Variants in PTPRD observed in about 807,000 individuals in gnomAD.
The protein encoded by PTPRD is receptor-type tyrosine-protein phosphatase delta.
PTPRD carries 34 observed loss-of-function variants against 214.5 expected under a neutral mutation model. The observed-to-expected ratio is 0.16, with a 90% confidence interval of 0.12 to 0.21. PTPRD has a LOEUF of 0.21. Ranked by LOEUF, PTPRD falls within the 10% of genes least tolerant of loss-of-function variation. The pLI is 1.00. For missense variants in PTPRD, 2,545 were observed against 2,398.7 expected (o/e 1.06, Z -1.27); for synonymous variants, 1,128 against 845.7 (o/e 1.33, Z -5.79).
chr9:9,695,367 G>C (rs1333419559), intron 7 of PTPRD, among the ~76,000 whole-genome samples: 1 of 152,146 alleles, frequency 6.6e-6, no homozygotes, highest in Non-Finnish European at 1.5e-5. Flanking sequence ...CAGAAGGAGA[G>C]AATCACTCTC....
intron 7 of PTPRD, among the ~76,000 whole-genome samples, chr9:9,628,530 A>G (rs1300251216): frequency 6.6e-6 from 1 of 152,324 alleles, no homozygotes; most frequent in African/African-American, 2.4e-5. Context: ...CAGAGTTCCT[A>G]GAACAGCTCA....
At chr9:10,343,860 C>T (rs368630671) in intron 2 of PTPRD, among the ~76,000 whole-genome samples, 7 of 149,534 alleles carry the variant, frequency 4.7e-5, no homozygotes, top group African/African-American at 1.5e-4. Flanking sequence ...TTGAGCTCTT[C>T]GTTTTCTTGT....
At chr9:9,173,522 T>C (rs1186799768) in intron 10 of PTPRD, among the ~76,000 whole-genome samples, 3 of 152,136 alleles carry the variant, frequency 2.0e-5, no homozygotes, top group Admixed American at 1.3e-4. Flanking sequence ...CCAGTGTAGC[T>C]ATATGGTATA....
At chr9:8,376,528 A>T in intron 38 of PTPRD, 79 bp downstream of exon 38, 1 of 1,584,076 alleles carries the variant, frequency 6.3e-7, no homozygotes. Flanking sequence ...GTAAAGCCTT[A>T]AGAGATTTCA....
chr9:10,536,046 T>C (rs2057711539), intron 2 of PTPRD, among the ~76,000 whole-genome samples: 2 of 152,226 alleles, frequency 1.3e-5, no homozygotes, highest in Non-Finnish European at 2.9e-5. Flanking sequence ...GCAAACCTCT[T>C]ACAGCGGAAT....
At chr9:9,910,350 C>G (rs959438627) in intron 5 of PTPRD, among the ~76,000 whole-genome samples, 1 of 151,886 alleles carries the variant, frequency 6.6e-6, no homozygotes, top group African/African-American at 2.4e-5. Context: ...TGTGTGCAAT[C>G]TTTTAAAAAT....
chr9:9,625,382 C>G (rs2095388200), intron 7 of PTPRD, among the ~76,000 whole-genome samples: 1 of 152,126 alleles, frequency 6.6e-6, no homozygotes, highest in South Asian at 2.1e-4. Flanking sequence ...CTGGCGCATG[C>G]TGTTAGAGTG....
intron 7 of PTPRD, among the ~76,000 whole-genome samples, chr9:9,597,576 C>T (rs1000039797): frequency 2.0e-5 from 3 of 151,832 alleles, no homozygotes; most frequent in South Asian, 2.1e-4. Flanking sequence ...ACTGCAAAAA[C>T]GAAAGCAGGA....
chr9:9,817,253 C>T (rs2761747), intron 5 of PTPRD, among the ~76,000 whole-genome samples: 66,605 of 151,910 alleles, frequency 0.44, 16,859 homozygotes, highest in African/African-American at 0.71. Flanking sequence ...CTAACTACAA[C>T]GATTAGGGAC....
intron 5 of PTPRD, among the ~76,000 whole-genome samples, chr9:9,778,362 G>A (rs1159901501): frequency 6.6e-6 from 1 of 152,158 alleles, no homozygotes; most frequent in Non-Finnish European, 1.5e-5. Context: ...TGATCTGGCA[G>A]GGGGATTTCC....
chr9:8,659,233 T>A (rs189287852), intron 12 of PTPRD, among the ~76,000 whole-genome samples: 32 of 152,308 alleles, frequency 2.1e-4, no homozygotes, highest in Admixed American at 1.4e-3. Context: ...TTAAAATGAA[T>A]TTCTTCAAGT....
rs192831736 is a variant in PTPRD at position 10,581,207 on chromosome 9, C to G, written c.-600+31191G>C. 5.9e-5 allele frequency among the ~76,000 whole-genome samples: 9 copies of G among 152,276 alleles called. No individual in the cohort carries two copies. In the East Asian group the frequency reaches 1.5e-3, roughly 26 times the overall value. ...GAAGTACTTATAACGCTACCTGGTG[C>G]ATATTAAGCACTGTAGAAGTATTTG... On this transcript the variant is annotated intron_variant, in intron 2 of 45. Transcript: ENST00000381196.
At chr9:8,498,993 A>G (rs1022516905) in intron 25 of PTPRD, among the ~76,000 whole-genome samples, 1 of 152,092 alleles carries the variant, frequency 6.6e-6, no homozygotes, top group African/African-American at 2.4e-5. Flanking sequence ...AGATCAATAC[A>G]ATTTCTCACA....
chr9:10,277,247 A>AAACATAAAACATAAACAT (rs1555019684), intron 3 of PTPRD, among the ~76,000 whole-genome samples: 4 of 91,562 alleles, frequency 4.4e-5, no homozygotes, highest in African/African-American at 7.4e-5. Context: ...ACATAAACAT[A>AAACATAAAACATAAACAT]AAAAAAAAAC....
rs71500962 is a variant in PTPRD, at chr9:8,726,026, GACACACACAC to G, written c.64+7744_64+7753del. Among the ~76,000 whole-genome samples the G allele has an allele frequency of 1.0e-4, 14 of 139,592 alleles. No homozygotes were observed. In the East Asian group the frequency reaches 1.2e-3, roughly 12 times the overall value. The allele number at this position is 139,592 out of a possible 152,430, so 91.6% of individuals were successfully genotyped here. ...CACATAGCAGACAGACAGACAGACAGACACACACACACACACACACACACACACACACACA... is the reference window on the plus strand; with the variant it reads ...CACATAGCAGACAGACAGACAGACAGACACACACACACACACACACACACA... On this transcript the variant is annotated intron_variant, in intron 12 of 45. Transcript: ENST00000381196.
At chr9:8,321,510 TATATATATATATATATAAAA>T (rs1563891529) in intron 44 of PTPRD, among the ~76,000 whole-genome samples, 9 of 125,754 alleles carry the variant, frequency 7.2e-5, no homozygotes, top group African/African-American at 2.7e-4. Flanking sequence ...TATATATATA[TATATATATATATATATAAAA>T]GGTATATGCA....
chr9:8,487,638 C>T (rs2097055081), intron 27 of PTPRD, among the ~76,000 whole-genome samples: 1 of 152,074 alleles, frequency 6.6e-6, no homozygotes, highest in South Asian at 2.1e-4. Flanking sequence ...TGGAGAAACC[C>T]TGTCTCTACA....
intron 8 of PTPRD, among the ~76,000 whole-genome samples, chr9:9,521,678 G>T (rs189181038): frequency 1.3e-5 from 2 of 152,076 alleles, no homozygotes; most frequent in Non-Finnish European, 2.9e-5. Flanking sequence ...CCTCGTAAAT[G>T]ACATACACAT....
At chr9:9,284,181 C>T (rs1948660263) in intron 9 of PTPRD, among the ~76,000 whole-genome samples, 2 of 151,542 alleles carry the variant, frequency 1.3e-5, no homozygotes, top group African/African-American at 4.8e-5. Flanking sequence ...GGGTTCTATC[C>T]TAACTTTCAG....
Sources: allele counts gnomAD v4.1 joint callset (sites outside exome capture counted in the v4.1 genomes callset), GRCh38; gene constraint gnomAD v4.1.1; transcripts MANE v1.5; gene names NCBI Gene and HGNC (gene_info 2026-07-23, HGNC 2026-07-21).